The following MEI1 variants were observed in gnomAD, a reference collection of about 807,000 sequenced individuals.
MEI1 encodes meiotic double-stranded break formation protein 1.
A neutral mutation model predicts 146.2 loss-of-function variants in MEI1; 103 were observed. The ratio of observed to expected loss-of-function variants is 0.70; its 90% CI spans 0.60 to 0.83. The LOEUF is 0.83. MEI1 is among the 40% of genes least tolerant of loss of function. The pLI is 0.00. For missense variants in MEI1, 1,529 were observed against 1,533.0 expected, an observed-to-expected ratio of 1.00 and a Z score of 0.04; for synonymous variants, 652 against 628.2, an observed-to-expected ratio of 1.04 and a Z score of -0.57.
At chr22:41,758,289 TA>T in intron 17 of MEI1, 75 bp from the exon 18 acceptor site, 1 of 1,391,748 alleles carries the variant, frequency 7.2e-7, no homozygotes. Flanking sequence ...ACTCTGCATG[TA>T]GTAGGTACTA....
chr22:41,735,255 G>C (rs1388620848), intron 11 of MEI1, among the ~76,000 whole-genome samples: 1 of 140,734 alleles, frequency 7.1e-6, no homozygotes, highest in Non-Finnish European at 1.5e-5. Context: ...TTTTGAGATG[G>C]AGTTTTGCTC....
chr22:41,707,836 C>A (rs914722222), intron 3 of MEI1, among the ~76,000 whole-genome samples: 1 of 152,142 alleles, frequency 6.6e-6, no homozygotes, highest in Admixed American at 6.5e-5. Context: ...GCTAGCAAAG[C>A]AAAAATGTGA....
rs773010013 is a variant in MEI1, at chr22:41,752,633, G to C, written c.1835G>C (p.Arg612Thr). The C allele has an allele frequency of 1.8e-5, 29 of 1,598,536 alleles. No individual in the cohort carries two copies. Among genetic ancestry groups the C allele is most frequent in the African/African-American group, 4.0e-5 (3 of 74,666 alleles). Reference sequence around the variant, plus strand: ...CGACTGACCCTGGAGCTGAAGGCCAGGTTTTGCAGTGGTCTGAGGTATGTG... The same window carrying C: ...CGACTGACCCTGGAGCTGAAGGCCACGTTTTGCAGTGGTCTGAGGTATGTG... ...FIRLTLELKA[R>T]FCSGLSHSAL... The change falls in exon 16 of 31, where the codon AGG becomes ACG. Residue 612 changes from arginine to threonine, a missense_variant. This residue lies in a region of MEI1 where 1,212 missense variants were observed against 1,178.9 expected (regional missense o/e 1.03). Transcript: ENST00000401548.
chr22:41,784,728 T>C lies in MEI1; in HGVS notation c.3290T>C (p.Leu1097Pro). The C allele has an allele frequency of 6.2e-7, 1 of 1,613,228 alleles. No homozygotes were observed. The highest frequency in any genetic ancestry group is 1.3e-5 in the African/African-American group (1 of 74,986). The change falls in exon 26 of 31, where the codon CTG becomes CCG. Residue 1097 changes from leucine (L) to proline (P), a missense_variant. This residue lies in a region of MEI1 where 313 missense variants were observed against 337.3 expected (regional missense o/e 0.93). Coordinates refer to ENST00000401548, the MANE Select transcript of MEI1 (RefSeq NM_152513.4). ...PATKDTVLAP[L>P]RMSQVRSLVI... is the part of the protein sequence containing the mutation. ...ACCAAGGACACTGTCCTAGCTCCAC[T>C]GCGAATGTCGCAAGTCCGGTCCCTG...
intron 20 of MEI1, 32 bp from the exon 21 acceptor site, chr22:41,776,070 T>C (rs560424530): frequency 6.2e-7 from 1 of 1,609,636 alleles, no homozygotes; most frequent in Non-Finnish European, 8.5e-7. Flanking sequence ...TGCAGTACCC[T>C]CTGATCTCTG....
At chr22:41,717,941 C>A in intron 5 of MEI1, 130 bp from the exon 6 acceptor site, 1 of 768,622 alleles carries the variant, frequency 1.3e-6, no homozygotes, top group Non-Finnish European at 2.0e-6. Context: ...ATTAAGCATG[C>A]AGAAAGCATT....
At position 41,759,895 on chromosome 22, in the gene MEI1, C is replaced by T. The variant is rs143249840; in HGVS notation, c.2120+1362C>T. Among the ~76,000 whole-genome samples, 205 of 152,118 alleles carry T rather than the reference C, an allele frequency of 1.3e-3. 2 individuals are homozygous for T. Among genetic ancestry groups the T allele is most frequent in the African/African-American group, 4.4e-3 (183 of 41,510 alleles). On this transcript the variant is annotated intron_variant, in intron 18 of 30. Transcript: ENST00000401548. ...AGCCGTAAGAAATAATTTATTGGGC[C>T]GGGTACGGTGGCTCACATCTGTAAT...
In MEI1 at chr22:41,798,168, CACAT is replaced by C. The variant is rs1272050176; in HGVS notation, c.3780-1084_3780-1081del. Among the ~76,000 whole-genome samples, 534 of 126,762 alleles carry C rather than the reference CACAT, an allele frequency of 4.2e-3. 2 individuals are homozygous for C. The highest frequency in any genetic ancestry group is 8.1e-3 in the Middle Eastern group (2 of 248). 83.2% of individuals were successfully genotyped at this position (126,762 alleles called of 152,430 possible). On this transcript the variant is annotated intron_variant, in intron 30 of 30. Coordinates refer to ENST00000401548, the MANE Select transcript of MEI1 (RefSeq NM_152513.4). ...ACACACACACACACACACACACACA[CACAT>C]AGTGTGTGTCTCTGTGACTGCCATG...
intron 11 of MEI1, among the ~76,000 whole-genome samples, chr22:41,735,512 C>T (rs1020717607): frequency 2.6e-5 from 4 of 152,042 alleles, no homozygotes; most frequent in Non-Finnish European, 5.9e-5. Context: ...GGATTACAGG[C>T]GTGAGCCACC....
intron 4 of MEI1, among the ~76,000 whole-genome samples, chr22:41,715,108 TATG>T (rs1292834466): frequency 6.6e-6 from 1 of 152,168 alleles, no homozygotes; most frequent in Admixed American, 6.6e-5. Flanking sequence ...TGCTTATGAT[TATG>T]ATGAGATGAT....
At chr22:41,743,021 G>A in intron 11 of MEI1, 59 bp from the exon 12 acceptor site, 2 of 1,208,566 alleles carry the variant, frequency 1.7e-6, no homozygotes, top group South Asian at 1.3e-5. Context: ...GAGAACCTGG[G>A]GTTATCTTGG....
intron 2 of MEI1, among the ~76,000 whole-genome samples, chr22:41,705,176 C>CA (rs1555915639): frequency 9.4e-5 from 13 of 138,776 alleles, no homozygotes; most frequent in Non-Finnish European, 2.0e-4. Flanking sequence ...TTAACCACTC[C>CA]TTTTTTTTTT....
chr22:41,734,803 A>T (rs2072185630), intron 11 of MEI1, among the ~76,000 whole-genome samples: 1 of 150,610 alleles, frequency 6.6e-6, no homozygotes, highest in Non-Finnish European at 1.5e-5. Context: ...ATGCCCAGCT[A>T]ATTTTGTATT....
chr22:41,785,910 ATTTTAT>A (rs2075962118), intron 26 of MEI1, among the ~76,000 whole-genome samples: 1 of 96,340 alleles, frequency 1.0e-5, no homozygotes, highest in Non-Finnish European at 2.2e-5. Context: ...TTTATTTTTT[ATTTTAT>A]TTTTTTTTTT....
At chr22:41,703,789 G>C (rs2068883769) in intron 2 of MEI1, among the ~76,000 whole-genome samples, 1 of 152,050 alleles carries the variant, frequency 6.6e-6, no homozygotes, top group African/African-American at 2.4e-5. Flanking sequence ...TTAGAGACTA[G>C]CCTGGTCAAC....
intron 20 of MEI1, among the ~76,000 whole-genome samples, chr22:41,775,784 C>T (rs2075408880): frequency 1.3e-5 from 2 of 151,894 alleles, no homozygotes; most frequent in African/African-American, 4.8e-5. Context: ...TTAGTAAAGA[C>T]GGGGTTTCAC....
intron 18 of MEI1, among the ~76,000 whole-genome samples, chr22:41,761,596 G>A (rs2074498247): frequency 6.6e-6 from 1 of 151,974 alleles, no homozygotes; most frequent in South Asian, 2.1e-4. Flanking sequence ...TTACAGGCGT[G>A]AGCCACTGCG....
intron 4 of MEI1, among the ~76,000 whole-genome samples, chr22:41,715,520 C>G (rs1014452020): frequency 2.6e-5 from 4 of 151,824 alleles, no homozygotes; most frequent in Non-Finnish European, 1.5e-5. Flanking sequence ...CTCAGCCTCC[C>G]GAGTAGCTGG....
Position 41,781,282 on chromosome 22 carries a change from A to G in MEI1, c.2816-2A>G, listed in dbSNP as rs1332134977. On this transcript the variant is annotated splice_acceptor_variant, in intron 22 of 30. Transcript: ENST00000401548. LOFTEE classifies it high-confidence loss of function. ...CCGACTGGGGACTTTCATCTCTTGCAGTAAGCAAGCTGTGTGGGAAGTGCA... is the reference window on the plus strand; with the variant it reads ...CCGACTGGGGACTTTCATCTCTTGCGGTAAGCAAGCTGTGTGGGAAGTGCA... The G allele has an allele frequency of 1.2e-6, 2 of 1,608,202 alleles. No homozygotes were observed. The highest frequency in any genetic ancestry group is 1.7e-6 in the Non-Finnish European group (2 of 1,177,210).
Sources: gnomAD v4.1 joint callset for allele counts (sites outside exome capture counted in the v4.1 genomes callset) on GRCh38, gnomAD v4.1.1 for gene constraint, gnomAD v4.1.1 regional missense constraint, MANE v1.5 for transcripts, NCBI Gene and HGNC (gene_info 2026-07-23, HGNC 2026-07-21) for gene names.